BMPR1B: variants seen among roughly 807,000 people sequenced by gnomAD.
BMPR1B encodes the protein bone morphogenetic protein receptor type-1B.
Under a neutral mutation model 59.1 loss-of-function variants are expected in BMPR1B, and 12 were observed. That is an observed-to-expected ratio of 0.20 (90% CI 0.13 to 0.33). BMPR1B has a LOEUF of 0.33. BMPR1B is among the 10% of genes least tolerant of loss of function. The pLI is 1.00. For synonymous variants in BMPR1B, 237 were observed against 207.3 expected (o/e 1.14, Z -1.23); for missense variants, 550 against 610.9 (o/e 0.90, Z 1.05).
At chr4:95,060,283 A>G (rs1727257123) in intron 3 of BMPR1B, among the ~76,000 whole-genome samples, 2 of 152,320 alleles carry the variant, frequency 1.3e-5, no homozygotes, top group African/African-American at 2.4e-5. Context: ...CTTTCCCTAC[A>G]GATAGAACCT....
chr4:95,032,312 A>G (rs975263046), intron 3 of BMPR1B, among the ~76,000 whole-genome samples: 4 of 152,050 alleles, frequency 2.6e-5, no homozygotes, highest in African/African-American at 7.2e-5. Context: ...TGTATGTGCA[A>G]GCAATACCTG....
intron 2 of BMPR1B, among the ~76,000 whole-genome samples, chr4:94,918,501 G>GC (rs995624241): frequency 6.6e-6 from 1 of 151,890 alleles, no homozygotes; most frequent in African/African-American, 2.4e-5. Flanking sequence ...ACATAGAAAG[G>GC]CCCTATCTCT....
intron 2 of BMPR1B, among the ~76,000 whole-genome samples, chr4:94,932,696 C>T (rs1037700306): frequency 6.6e-5 from 10 of 152,004 alleles, no homozygotes; most frequent in African/African-American, 2.4e-4. Context: ...TGGCATTTTA[C>T]AACACATCAC....
At chr4:94,922,180 G>T (rs1175158245) in intron 2 of BMPR1B, among the ~76,000 whole-genome samples, 1 of 151,948 alleles carries the variant, frequency 6.6e-6, no homozygotes, top group East Asian at 1.9e-4. Context: ...TTCCAGTGTT[G>T]CCCCATCTGG....
At chr4:95,136,270 TG>T (rs1483807268) in intron 10 of BMPR1B, among the ~76,000 whole-genome samples, 2 of 152,212 alleles carry the variant, frequency 1.3e-5, no homozygotes, top group African/African-American at 4.8e-5. Flanking sequence ...CACTTGATCA[TG>T]GTGGATAAGC....
chr4:94,782,244 T>C (rs1017965644), intron 1 of BMPR1B, among the ~76,000 whole-genome samples: 3 of 152,234 alleles, frequency 2.0e-5, no homozygotes, highest in African/African-American at 7.2e-5. Flanking sequence ...TGTTTATTCC[T>C]TCTTCTGTCA....
At chr4:94,824,646 A>G (rs1438468357) in intron 1 of BMPR1B, among the ~76,000 whole-genome samples, 1 of 152,216 alleles carries the variant, frequency 6.6e-6, no homozygotes, top group African/African-American at 2.4e-5. Context: ...TGAGAGAATG[A>G]AAACATTTAC....
At chr4:94,835,123 A>G (rs1176800258) in intron 1 of BMPR1B, among the ~76,000 whole-genome samples, 2 of 152,060 alleles carry the variant, frequency 1.3e-5, no homozygotes, top group African/African-American at 2.4e-5. Context: ...AGATCTTTCT[A>G]TAAGGTGTTA....
intron 1 of BMPR1B, among the ~76,000 whole-genome samples, chr4:94,779,261 A>G (rs1286679933): frequency 2.0e-5 from 3 of 152,004 alleles, no homozygotes; most frequent in Non-Finnish European, 4.4e-5. Context: ...GAATGTATCT[A>G]TCCTTTCATT....
chr4:95,109,909 G>C (rs550292092), intron 4 of BMPR1B, among the ~76,000 whole-genome samples: 1 of 129,580 alleles, frequency 7.7e-6, no homozygotes, highest in East Asian at 2.3e-4. Flanking sequence ...CCCTTCCTGT[G>C]TCCATGTGTT....
chr4:94,971,603 G>A (rs115731067), intron 2 of BMPR1B, among the ~76,000 whole-genome samples: 4,430 of 151,248 alleles, frequency 0.029, 209 homozygotes, highest in African/African-American at 0.1. Flanking sequence ...TCCTCTTACT[G>A]CTTATTTATT....
In BMPR1B at chr4:95,062,925, G is replaced by A. The variant is rs548699711; in HGVS notation, c.-17-41483G>A. On this transcript the variant is annotated intron_variant, in intron 3 of 12. Coordinates refer to ENST00000515059, the MANE Select transcript of BMPR1B (RefSeq NM_001203.3). ...TTTGCAAGCCGAATGAGAATGCTTC[G>A]TTTCCTCCTGTGGCTTTGTTTTGCT... Among the ~76,000 whole-genome samples the A allele has an allele frequency of 3.6e-4, 55 of 152,104 alleles. No individual in the cohort carries two copies. In the South Asian group the frequency reaches 9.3e-3, roughly 26 times the overall value.
At chr4:95,005,305 T>C (rs1722741569) in intron 3 of BMPR1B, among the ~76,000 whole-genome samples, 1 of 152,212 alleles carries the variant, frequency 6.6e-6, no homozygotes, top group African/African-American at 2.4e-5. Context: ...AGTTTCTGTT[T>C]ATTAGCTGTG....
chr4:94,822,820 C>T (rs902876674), intron 1 of BMPR1B, among the ~76,000 whole-genome samples: 1 of 152,150 alleles, frequency 6.6e-6, no homozygotes, highest in Non-Finnish European at 1.5e-5. Context: ...AAGGTTACCT[C>T]ATATCTGCCA....
intron 2 of BMPR1B, among the ~76,000 whole-genome samples, chr4:94,914,716 T>C (rs1233438310): frequency 6.6e-6 from 1 of 152,088 alleles, no homozygotes; most frequent in Non-Finnish European, 1.5e-5. Context: ...AGATGAAATA[T>C]TTGGTGGTGA....
At chr4:94,887,603 A>G (rs1215408866) in intron 2 of BMPR1B, among the ~76,000 whole-genome samples, 2 of 151,940 alleles carry the variant, frequency 1.3e-5, no homozygotes, top group Non-Finnish European at 2.9e-5. Flanking sequence ...TGACAAAATT[A>G]TCTCAAAAAT....
intron 3 of BMPR1B, among the ~76,000 whole-genome samples, chr4:95,029,576 C>T (rs898790526): frequency 3.9e-5 from 6 of 152,082 alleles, no homozygotes; most frequent in African/African-American, 7.2e-5. Flanking sequence ...AATAAACATA[C>T]GTGTGCATGT....
intron 3 of BMPR1B, among the ~76,000 whole-genome samples, chr4:95,033,327 C>T (rs930975124): frequency 1.3e-5 from 2 of 150,812 alleles, no homozygotes; most frequent in East Asian, 3.9e-4. Context: ...CCTGTTGTTA[C>T]CTGTGCTTTT....
At chr4:95,122,018 T>C (rs1393783028) in intron 6 of BMPR1B, among the ~76,000 whole-genome samples, 6 of 152,192 alleles carry the variant, frequency 3.9e-5, no homozygotes, top group African/African-American at 1.4e-4. Flanking sequence ...CTAATTAGGA[T>C]GATTTTATGT....
Sources: gnomAD v4.1 joint callset for allele counts (sites outside exome capture counted in the v4.1 genomes callset) on GRCh38, gnomAD v4.1.1 for gene constraint, MANE v1.5 for transcripts, NCBI Gene and HGNC (gene_info 2026-07-23, HGNC 2026-07-21) for gene names.